The following JPH1 variants were observed in gnomAD, a reference collection of about 807,000 sequenced individuals.
JPH1 encodes the protein junctophilin-1.
Under a neutral mutation model 53.6 loss-of-function variants are expected in JPH1, and 12 were observed. The ratio of observed to expected loss-of-function variants is 0.22; its 90% CI spans 0.14 to 0.36. The LOEUF is 0.36. Ranked by LOEUF, JPH1 falls within the 10% of genes least tolerant of loss-of-function variation. The pLI, the probability that JPH1 is intolerant of heterozygous loss-of-function variation, is 1.00. For synonymous variants in JPH1, 375 were observed against 363.8 expected, an observed-to-expected ratio of 1.03 and a Z score of -0.35; for missense variants, 808 against 905.5, an observed-to-expected ratio of 0.89 and a Z score of 1.38.
chr8:74,244,453 GCA>G (rs1805787538), intron 4 of JPH1, 74 bp downstream of exon 4: 1 of 1,450,094 alleles, frequency 6.9e-7, no homozygotes, highest in African/African-American at 1.4e-5. Flanking sequence ...TGATCAAGAT[GCA>G]CAGTCACCCC....
At chr8:74,299,522 CT>C (rs1292523757) in intron 2 of JPH1, among the ~76,000 whole-genome samples, 4 of 152,198 alleles carry the variant, frequency 2.6e-5, no homozygotes, top group Non-Finnish European at 4.4e-5. Context: ...TCAGCTGTTT[CT>C]GTACCTCACT....
chr8:74,260,123 C>G, intron 2 of JPH1, among the ~76,000 whole-genome samples: 1 of 152,196 alleles, frequency 6.6e-6, no homozygotes, highest in Non-Finnish European at 1.5e-5. Flanking sequence ...CCACAAGGCC[C>G]GCTCTAAGAA....
intron 2 of JPH1, among the ~76,000 whole-genome samples, chr8:74,308,194 T>C (rs1163808291): frequency 1.3e-5 from 2 of 152,234 alleles, no homozygotes; most frequent in Admixed American, 1.3e-4. Context: ...TTATCACAGT[T>C]AGGATAAGCT....
chr8:74,296,045 C>CACACACACAT (rs3221275), intron 2 of JPH1, among the ~76,000 whole-genome samples: 1 of 151,874 alleles, frequency 6.6e-6, no homozygotes, highest in African/African-American at 2.4e-5. Flanking sequence ...CACACACACA[C>CACACACACAT]GGAGTATTGG....
chr8:74,256,613 A>G (rs963842578), intron 3 of JPH1, among the ~76,000 whole-genome samples: 3 of 152,148 alleles, frequency 2.0e-5, no homozygotes, highest in Non-Finnish European at 4.4e-5. Flanking sequence ...ATGAACAGAC[A>G]CTTCTCAAAA....
chr8:74,255,171 A>T (rs1806182523), intron 3 of JPH1, among the ~76,000 whole-genome samples: 1 of 152,210 alleles, frequency 6.6e-6, no homozygotes, highest in African/African-American at 2.4e-5. Context: ...TAACCAAAAC[A>T]GCATGGTAGT....
rs1435258883 is a variant in JPH1, at chr8:74,315,442, C to G, written c.558G>C (p.Pro186=). 1 of 1,610,250 alleles carries G rather than the reference C, an allele frequency of 6.2e-7. No homozygotes were observed. Among genetic ancestry groups the G allele is most frequent in the African/African-American group, 1.3e-5 (1 of 74,804 alleles). Residue 186 remains proline (P), a synonymous_variant, in exon 2 of 6, where the codon CCG becomes CCC. Coordinates refer to ENST00000342232, the MANE Select transcript of JPH1 (RefSeq NM_020647.4). This position sits in a 1 kb window ranked among gnomAD's most constrained non-coding sequence, Gnocchi z 6.3. ...GCACGAAACCGCCGCGGGTGCCGGC[C>G]GGGCTGTCGGCGGCGGCTGCGGCGT... ...LHDAAAAADS[P]AGTRGGFVLN...
intron 4 of JPH1, among the ~76,000 whole-genome samples, chr8:74,240,149 T>C (rs969421043): frequency 2.0e-5 from 3 of 152,010 alleles, no homozygotes; most frequent in African/African-American, 7.3e-5. Context: ...CTTTTATATT[T>C]TTGGTAGAGA....
chr8:74,256,360 G>A (rs111413076), intron 3 of JPH1, among the ~76,000 whole-genome samples: 2,702 of 151,482 alleles, frequency 0.018, 74 homozygotes, highest in African/African-American at 0.058. Flanking sequence ...CATGGACACA[G>A]GAAGGGGAAC....
intron 3 of JPH1, among the ~76,000 whole-genome samples, chr8:74,257,232 C>A (rs28558144): frequency 0.038 from 5,730 of 152,264 alleles, 338 homozygotes; most frequent in African/African-American, 0.12. Context: ...TGTATTCATT[C>A]CTGACGGACA....
In JPH1 at chr8:74,321,503, T is replaced by G. The variant is rs1363664093; in HGVS notation, c.-216A>C. 4.3e-6 allele frequency: 2 copies of G among 461,444 alleles called. No homozygotes were observed. Among genetic ancestry groups the G allele is most frequent in the East Asian group, 7.5e-5 (2 of 26,808 alleles). The allele number at this position is 461,444 out of a possible 1,614,324, so 28.6% of individuals were successfully genotyped here. On this transcript the variant is annotated 5_prime_UTR_variant, in exon 1 of 6. Coordinates refer to ENST00000342232, the MANE Select transcript of JPH1 (RefSeq NM_020647.4). This position sits in a 1 kb window ranked among gnomAD's most constrained non-coding sequence, Gnocchi z 4.3. ...GCCTTCCTCCTCCTCCTCCTCCTCC[T>G]TCGCCGCCGCCGCCTGGGCCAGCGC...
intron 2 of JPH1, among the ~76,000 whole-genome samples, chr8:74,261,072 G>C (rs74618522): frequency 1.6e-3 from 242 of 152,294 alleles, no homozygotes; most frequent in African/African-American, 5.3e-3. Context: ...AAAAGATTCA[G>C]AGTTGCTAAG....
Position 74,320,854 on chromosome 8 carries a change from C to T in JPH1, c.379+55G>A. On this transcript the variant is annotated intron_variant, in intron 1 of 5. Transcript: ENST00000342232. The surrounding 1 kb of genome is among the most constrained non-coding windows in gnomAD (Gnocchi z 4.4). ...CCTCCCCGCTTCCCCGCAGCCGGGG[C>T]AGAGCCCACCGCACCAGCTCGCGGA... The T allele has an allele frequency of 6.9e-7, 1 of 1,451,956 alleles. No homozygotes were observed. Among genetic ancestry groups the T allele is most frequent in the Non-Finnish European group, 9.1e-7 (1 of 1,104,716 alleles). The allele number at this position is 1,451,956 out of a possible 1,614,324, so 89.9% of individuals were successfully genotyped here.
intron 2 of JPH1, among the ~76,000 whole-genome samples, chr8:74,281,158 T>TTA (rs1166949393): frequency 6.6e-6 from 1 of 152,252 alleles, no homozygotes; most frequent in Non-Finnish European, 1.5e-5. Flanking sequence ...CTTAAACAAC[T>TTA]TAAACTTTTG....
intron 3 of JPH1, among the ~76,000 whole-genome samples, chr8:74,256,616 T>C (rs554727269): frequency 5.1e-4 from 77 of 151,018 alleles, no homozygotes; most frequent in African/African-American, 1.7e-3. Context: ...AACAGACACT[T>C]CTCAAAAGAA....
intron 2 of JPH1, among the ~76,000 whole-genome samples, chr8:74,285,568 C>T (rs1807139592): frequency 6.6e-6 from 1 of 152,154 alleles, no homozygotes. Flanking sequence ...AGTGTCAAAA[C>T]TTGACAGTAA....
intron 2 of JPH1, among the ~76,000 whole-genome samples, chr8:74,280,945 C>T (rs921654556): frequency 1.6e-4 from 24 of 152,286 alleles, no homozygotes; most frequent in African/African-American, 4.8e-4. Context: ...AGGAAATATG[C>T]TCCAGCAGGT....
At chr8:74,274,025 T>C (rs898581657) in intron 2 of JPH1, among the ~76,000 whole-genome samples, 2 of 152,162 alleles carry the variant, frequency 1.3e-5, no homozygotes, top group African/African-American at 4.8e-5. Flanking sequence ...CTGGACAAGT[T>C]GTGGTAGTAG....
chr8:74,260,971 A>G (rs1806380075), intron 2 of JPH1, among the ~76,000 whole-genome samples: 1 of 152,214 alleles, frequency 6.6e-6, no homozygotes, highest in South Asian at 2.1e-4. Flanking sequence ...TTGAGGGACC[A>G]CTTTATGAAT....
Sources: allele counts gnomAD v4.1 joint callset (sites outside exome capture counted in the v4.1 genomes callset), GRCh38; gene constraint gnomAD v4.1.1; non-coding constraint Gnocchi (gnomAD v3.1); transcripts MANE v1.5; gene names NCBI Gene and HGNC (gene_info 2026-07-23, HGNC 2026-07-21).